The following BAZ1B variants were observed in gnomAD, a reference collection of about 807,000 sequenced individuals.
The protein encoded by BAZ1B is bromodomain adjacent to zinc finger domain 1B.
In BAZ1B, 22 loss-of-function variants were observed where a neutral mutation model predicts 153.8. The ratio of observed to expected loss-of-function variants is 0.14; its 90% confidence interval spans 0.10 to 0.20. The LOEUF is 0.20. Among genes scored for constraint, BAZ1B ranks in the 10% least tolerant of loss-of-function variants. BAZ1B has a pLI of 1.00. For missense variants in BAZ1B, 1,325 were observed against 1,799.3 expected, an observed-to-expected ratio of 0.74 and a Z score of 4.77; for synonymous variants, 676 against 633.4, an observed-to-expected ratio of 1.07 and a Z score of -1.01.
At position 73,477,643 on chromosome 7, in the gene BAZ1B, C is replaced by T; in HGVS notation, c.1818G>A (p.Leu606=). Residue 606 remains leucine, a synonymous_variant, in exon 7 of 20, where the codon CTG becomes CTA. Coordinates refer to ENST00000339594, the MANE Select transcript of BAZ1B (RefSeq NM_032408.4). The surrounding 1 kb of genome is among the most constrained non-coding windows in gnomAD (Gnocchi z 5.6). ...CCACCACCATGGCCACATCCCCAAA[C>T]AGCGTGTTGGGCAGCCCTTCAGGGG... ...VDTPEGLPNT[L]FGDVAMVVEF... 1 of 1,614,228 alleles carries T rather than the reference C, an allele frequency of 6.2e-7. No individual in the cohort carries two copies. The highest frequency in any genetic ancestry group is 1.1e-5 in the South Asian group (1 of 91,078).
chr7:73,447,998 G>A (rs750176887), intron 15 of BAZ1B, among the ~76,000 whole-genome samples: 8 of 152,172 alleles, frequency 5.3e-5, no homozygotes, highest in Non-Finnish European at 1.2e-4. Context: ...GGATCAAACA[G>A]CTCTGCCCCT....
intron 6 of BAZ1B, among the ~76,000 whole-genome samples, chr7:73,480,215 A>T (rs1789150588): frequency 6.6e-6 from 1 of 151,986 alleles, no homozygotes; most frequent in Non-Finnish European, 1.5e-5. Context: ...GGCACCTCAA[A>T]CGGGTCCTCC....
In BAZ1B at chr7:73,447,349, G is replaced by A; in HGVS notation, c.3759C>T (p.Asp1253=). The A allele has an allele frequency of 6.2e-7, 1 of 1,613,218 alleles. No homozygotes were observed. Among genetic ancestry groups the A allele is most frequent in the Non-Finnish European group, 8.5e-7 (1 of 1,179,590 alleles). ...CTTCATCACTCTCATCATCTTCACT[G>A]TCCTCAGAAGCAGACTCTTCAGTAT... ...RNYTEESASE[D]SEDDESDEEE... The change falls in exon 16 of 20, where the codon GAC becomes GAT. Residue 1253 remains aspartate, a synonymous_variant. Transcript: ENST00000339594.
Position 73,521,992 on chromosome 7 carries a change from G to A in BAZ1B, c.-59C>T. 4 of 1,190,846 alleles carry A rather than the reference G, an allele frequency of 3.4e-6. No homozygotes were observed. The highest frequency in any genetic ancestry group is 4.0e-5 in the South Asian group (1 of 24,756). The allele number at this position is 1,190,846 out of a possible 1,614,324, so 73.8% of individuals were successfully genotyped here. On this transcript the variant is annotated 5_prime_UTR_variant, in exon 1 of 20. Transcript: ENST00000339594. ...GGGCCGGCCCCGCGGCGCAGCACTAGGCCCCGCGGCCCGGAGCGAGCGCCA... is the reference window on the plus strand; with the variant it reads ...GGGCCGGCCCCGCGGCGCAGCACTAAGCCCCGCGGCCCGGAGCGAGCGCCA...
intron 6 of BAZ1B, among the ~76,000 whole-genome samples, chr7:73,480,750 A>G (rs1789167927): frequency 6.6e-6 from 1 of 152,202 alleles, no homozygotes; most frequent in African/African-American, 2.4e-5. Flanking sequence ...TACAGGCAAG[A>G]AAACAGCTAA....
intron 2 of BAZ1B, 83 bp downstream of exon 2, chr7:73,510,653 A>G: frequency 7.6e-7 from 1 of 1,323,596 alleles, no homozygotes; most frequent in Non-Finnish European, 1.1e-6. Context: ...AAACTTAAAT[A>G]CACATACTGC....
chr7:73,468,366 G>C (rs1788671679), intron 9 of BAZ1B, among the ~76,000 whole-genome samples: 1 of 151,624 alleles, frequency 6.6e-6, no homozygotes, highest in Non-Finnish European at 1.5e-5. Context: ...TAATGCACAG[G>C]ACAGCTCCCA....
intron 13 of BAZ1B, among the ~76,000 whole-genome samples, chr7:73,456,681 C>T (rs1339462969): frequency 6.6e-6 from 1 of 151,972 alleles, no homozygotes; most frequent in Non-Finnish European, 1.5e-5. Flanking sequence ...GTGGCTGAGG[C>T]CTATAATGCC....
chr7:73,441,988 C>A, intron 19 of BAZ1B, 193 bp downstream of exon 19: 1 of 578,292 alleles, frequency 1.7e-6, no homozygotes, highest in East Asian at 2.8e-5. Context: ...TTATGGCCCT[C>A]TTTGTCCCTT....
At chr7:73,496,469 C>CA (rs1554576403) in intron 4 of BAZ1B, among the ~76,000 whole-genome samples, 1 of 152,202 alleles carries the variant, frequency 6.6e-6, no homozygotes, top group Non-Finnish European at 1.5e-5. Flanking sequence ...CATTCTAATG[C>CA]AAAGTTTGTA....
rs782052787 is a variant in BAZ1B at position 73,470,494 on chromosome 7, TAA to T, written c.2594-13_2594-12del. ...GGCGTTCCAGTTTCACTGTTAAAAA[TAA>T]AAAGACTCAAATCAGATATTTTCCT... On this transcript the variant is annotated splice_polypyrimidine_tract_variant and intron_variant, in intron 7 of 19. Coordinates refer to ENST00000339594, the MANE Select transcript of BAZ1B (RefSeq NM_032408.4). 3 of 1,609,490 alleles carry T rather than the reference TAA, an allele frequency of 1.9e-6. No homozygotes were observed. The highest frequency in any genetic ancestry group is 2.7e-5 in the African/African-American group (2 of 74,534).
At chr7:73,445,227 A>C (rs1287374974) in intron 16 of BAZ1B, among the ~76,000 whole-genome samples, 2 of 152,168 alleles carry the variant, frequency 1.3e-5, no homozygotes, top group Admixed American at 1.3e-4. Flanking sequence ...GAAGGCAGTG[A>C]CACGAATAAT....
At position 73,516,002 on chromosome 7, in the gene BAZ1B, G is replaced by C. The variant is rs559112270; in HGVS notation, c.108-5150C>G. ...TCTACTTAAAAAGTGCAAAAAAGGA[G>C]CCAGGTGTGGTGCACGTGCCTGTAG... On this transcript the variant is annotated intron_variant, in intron 1 of 19. Coordinates refer to ENST00000339594, the MANE Select transcript of BAZ1B (RefSeq NM_032408.4). Among the ~76,000 whole-genome samples the C allele has an allele frequency of 3.3e-5, 5 of 152,210 alleles. No homozygotes were observed. In the South Asian group the frequency reaches 1.0e-3, roughly 32 times the overall value.
At chr7:73,486,577 C>T (rs551335195) in intron 6 of BAZ1B, among the ~76,000 whole-genome samples, 5 of 152,268 alleles carry the variant, frequency 3.3e-5, no homozygotes, top group East Asian at 3.9e-4. Flanking sequence ...CCGCCCAACT[C>T]GGCCTCCCAA....
chr7:73,505,645 A>C (rs1381749564), intron 3 of BAZ1B, among the ~76,000 whole-genome samples: 1 of 151,428 alleles, frequency 6.6e-6, no homozygotes, highest in African/African-American at 2.4e-5. Flanking sequence ...AAAAAAAAAC[A>C]GTTCAAGCAA....
At chr7:73,506,243 AATCCCAGCACTCTGGG>A (rs1445073525) in intron 3 of BAZ1B, among the ~76,000 whole-genome samples, 2 of 152,168 alleles carry the variant, frequency 1.3e-5, no homozygotes, top group Non-Finnish European at 2.9e-5. Flanking sequence ...TCATGCCTGT[AATCCCAGCACTCTGGG>A]AGGCCGAGAC....
At chr7:73,511,536 T>C (rs564304443) in intron 1 of BAZ1B, among the ~76,000 whole-genome samples, 18 of 152,048 alleles carry the variant, frequency 1.2e-4, no homozygotes, top group Admixed American at 2.6e-4. Context: ...AAATGGTTTT[T>C]CGTGTTTTAC....
chr7:73,472,809 T>G (rs1370150504), intron 7 of BAZ1B, among the ~76,000 whole-genome samples: 1 of 151,754 alleles, frequency 6.6e-6, no homozygotes, highest in Non-Finnish European at 1.5e-5. Flanking sequence ...CAGGCTGGAG[T>G]GCAGTGGTGT....
chr7:73,509,024 AAAAG>A (rs1473024447), intron 2 of BAZ1B, among the ~76,000 whole-genome samples: 1 of 147,016 alleles, frequency 6.8e-6, no homozygotes, highest in Non-Finnish European at 1.5e-5. Flanking sequence ...AAAAAAAAAA[AAAAG>A]ACTTAACTTT....
Sources: gnomAD v4.1 joint callset for allele counts (sites outside exome capture counted in the v4.1 genomes callset) on GRCh38, gnomAD v4.1.1 for gene constraint, Gnocchi (gnomAD v3.1) non-coding constraint, MANE v1.5 for transcripts, NCBI Gene and HGNC (gene_info 2026-07-23, HGNC 2026-07-21) for gene names.